Variants in HCN1 observed in about 807,000 individuals in gnomAD.
HCN1 encodes the protein potassium/sodium hyperpolarization-activated cyclic nucleotide-gated channel 1.
Under a neutral mutation model 78.9 loss-of-function variants are expected in HCN1, and 13 were observed. The observed-to-expected ratio is 0.16, with a 90% CI of 0.11 to 0.26. The LOEUF (loss-of-function observed/expected upper bound fraction) is 0.26. Among genes scored for constraint, HCN1 ranks in the 10% least tolerant of loss-of-function variants. HCN1 has a pLI of 1.00. For synonymous variants in HCN1, 552 were observed against 455.5 expected, an observed-to-expected ratio of 1.21 and a Z score of -2.70; for missense variants, 810 against 1,154.3, an observed-to-expected ratio of 0.70 and a Z score of 4.32.
intron 4 of HCN1, among the ~76,000 whole-genome samples, chr5:45,373,585 ATATAT>A (rs1747488576): frequency 1.4e-5 from 2 of 139,760 alleles, no homozygotes; most frequent in African/African-American, 5.3e-5. Flanking sequence ...GTCATCTATA[ATATAT>A]TACATACGGT....
At chr5:45,587,552 G>C (rs1450091029) in intron 2 of HCN1, among the ~76,000 whole-genome samples, 2 of 148,708 alleles carry the variant, frequency 1.3e-5, no homozygotes, top group Non-Finnish European at 3.0e-5. Context: ...CCTCTTGTGG[G>C]GTAGGGGGAG....
intron 4 of HCN1, among the ~76,000 whole-genome samples, chr5:45,371,686 G>A (rs1257503696): frequency 6.7e-6 from 1 of 149,754 alleles, no homozygotes; most frequent in Admixed American, 6.8e-5. Context: ...GAACCCGGGA[G>A]GCGAAGGTTG....
At chr5:45,493,316 T>C (rs1741936232) in intron 2 of HCN1, among the ~76,000 whole-genome samples, 1 of 151,966 alleles carries the variant, frequency 6.6e-6, no homozygotes, top group Non-Finnish European at 1.5e-5. Context: ...TAATGAGGCG[T>C]CACGATCATC....
At chr5:45,530,136 G>A (rs1469425988) in intron 2 of HCN1, among the ~76,000 whole-genome samples, 1 of 152,098 alleles carries the variant, frequency 6.6e-6, no homozygotes, top group African/African-American at 2.4e-5. Flanking sequence ...TGACTCCAGT[G>A]ATTACGGAAT....
At chr5:45,686,637 T>C (rs897276767) in intron 1 of HCN1, among the ~76,000 whole-genome samples, 3 of 152,172 alleles carry the variant, frequency 2.0e-5, no homozygotes, top group Non-Finnish European at 4.4e-5. Flanking sequence ...CATTCTGGAG[T>C]TAATAAAGTT....
intron 2 of HCN1, among the ~76,000 whole-genome samples, chr5:45,473,852 T>C (rs1328129143): frequency 1.3e-5 from 2 of 151,836 alleles, no homozygotes; most frequent in Non-Finnish European, 2.9e-5. Context: ...CTATCTGTCA[T>C]CTGAAAACAT....
chr5:45,499,928 G>C (rs1023854306), intron 2 of HCN1, among the ~76,000 whole-genome samples: 1 of 152,048 alleles, frequency 6.6e-6, no homozygotes, highest in African/African-American at 2.4e-5. Context: ...AAAAATGCTA[G>C]CATATGCACA....
chr5:45,668,410 A>G (rs1342571785), intron 1 of HCN1, among the ~76,000 whole-genome samples: 2 of 151,894 alleles, frequency 1.3e-5, no homozygotes, highest in African/African-American at 2.4e-5. Context: ...CTGCCACCAC[A>G]TAAGAAGTGT....
At chr5:45,533,854 G>A (rs1742909496) in intron 2 of HCN1, among the ~76,000 whole-genome samples, 1 of 152,152 alleles carries the variant, frequency 6.6e-6, no homozygotes, top group Non-Finnish European at 1.5e-5. Flanking sequence ...GTCCCAAGAA[G>A]ACAAAGAGAC....
intron 3 of HCN1, among the ~76,000 whole-genome samples, chr5:45,430,185 G>A (rs1740433141): frequency 6.6e-6 from 1 of 152,090 alleles, no homozygotes; most frequent in African/African-American, 2.4e-5. Flanking sequence ...CCTAATTACA[G>A]AAAGAATAGG....
At chr5:45,611,073 CAG>C (rs1744824654) in intron 2 of HCN1, among the ~76,000 whole-genome samples, 1 of 145,454 alleles carries the variant, frequency 6.9e-6, no homozygotes, top group African/African-American at 2.6e-5. Context: ...TTTTTTTTGA[CAG>C]AGACTCACTC....
chr5:45,560,318 A>C (rs977263472), intron 2 of HCN1, among the ~76,000 whole-genome samples: 1 of 152,066 alleles, frequency 6.6e-6, no homozygotes, highest in Admixed American at 6.6e-5. Flanking sequence ...TATTTTTAAA[A>C]ATTTATATCT....
chr5:45,684,883 C>T (rs1469824667), intron 1 of HCN1, among the ~76,000 whole-genome samples: 1 of 152,024 alleles, frequency 6.6e-6, no homozygotes, highest in Non-Finnish European at 1.5e-5. Context: ...AAACAAAAAA[C>T]TAATCAAGTA....
chr5:45,537,523 C>CTT (rs71000638), intron 2 of HCN1, among the ~76,000 whole-genome samples: 4,892 of 25,702 alleles, frequency 0.19, 2,241 homozygotes, highest in Non-Finnish European at 0.25. Context: ...AACTCTAAGT[C>CTT]TTTTTTTTTT....
intron 2 of HCN1, among the ~76,000 whole-genome samples, chr5:45,506,654 C>T (rs1452501949): frequency 6.6e-6 from 1 of 152,002 alleles, no homozygotes; most frequent in Non-Finnish European, 1.5e-5. Flanking sequence ...TTTTATTTTG[C>T]TTTGTATTGC....
intron 1 of HCN1, among the ~76,000 whole-genome samples, chr5:45,658,058 G>C (rs759350683): frequency 6.6e-6 from 1 of 152,156 alleles, no homozygotes; most frequent in Non-Finnish European, 1.5e-5. Context: ...CAATGGAACA[G>C]AACAGAGCCC....
At chr5:45,638,049 G>C (rs1745386186) in intron 2 of HCN1, among the ~76,000 whole-genome samples, 1 of 152,044 alleles carries the variant, frequency 6.6e-6, no homozygotes, top group African/African-American at 2.4e-5. Context: ...GGTGATAAGG[G>C]GATCAAGTGA....
In HCN1 at chr5:45,381,415, A is replaced by C. The variant is rs568130954; in HGVS notation, c.1230+15077T>G. On this transcript the variant is annotated intron_variant, in intron 4 of 7. Coordinates refer to ENST00000303230, the MANE Select transcript of HCN1 (RefSeq NM_021072.4). ...TCCTCTCTATATAGATAAATTACAA[A>C]CTACAAAGCAATGGCCATCAGAAAT... Among the ~76,000 whole-genome samples, 52 of 152,226 alleles carry C rather than the reference A, an allele frequency of 3.4e-4. 1 individual carries two copies. In the East Asian group the frequency reaches 0.01, roughly 29 times the overall value.
intron 2 of HCN1, among the ~76,000 whole-genome samples, chr5:45,493,982 T>G (rs937905049): frequency 6.6e-6 from 1 of 152,274 alleles, no homozygotes; most frequent in Non-Finnish European, 1.5e-5. Context: ...TTTCACATTT[T>G]CTTAATCCAG....
Sources: gnomAD v4.1 joint callset for allele counts (sites outside exome capture counted in the v4.1 genomes callset) on GRCh38, gnomAD v4.1.1 for gene constraint, MANE v1.5 for transcripts, NCBI Gene and HGNC (gene_info 2026-07-23, HGNC 2026-07-21) for gene names.